The following CDK15 variants were observed in gnomAD, a reference collection of about 807,000 sequenced individuals.
CDK15 encodes the protein cyclin dependent kinase 15, also known as cyclin-dependent kinase 15.
CDK15 carries 62 observed loss-of-function variants against 60.3 expected under a neutral mutation model. That is an observed-to-expected ratio of 1.03 (90% CI 0.84 to 1.27). CDK15 has a LOEUF of 1.27. CDK15 is among the 50% of genes most tolerant of loss of function. The pLI is 0.00. For missense variants in CDK15, 541 were observed against 527.8 expected (o/e 1.03, Z -0.25); for synonymous variants, 194 against 195.7 (o/e 0.99, Z 0.07).
At chr2:201,860,893 A>C in intron 10 of CDK15, 1 of 1,349,658 alleles carries the variant, frequency 7.4e-7, no homozygotes, top group Non-Finnish European at 9.8e-7. Flanking sequence ...GAAGATGATT[A>C]AAATGATCCT....
chr2:201,866,858 C>A (rs560923308), intron 10 of CDK15, among the ~76,000 whole-genome samples: 1 of 152,164 alleles, frequency 6.6e-6, no homozygotes, highest in Non-Finnish European at 1.5e-5. Context: ...CACAAACAGG[C>A]GATGGGCTTT....
intron 10 of CDK15, among the ~76,000 whole-genome samples, chr2:201,865,521 G>A (rs1050938377): frequency 3.9e-5 from 6 of 152,196 alleles, no homozygotes; most frequent in Admixed American, 1.3e-4. Context: ...GACCAAGGTT[G>A]AACAATGCCA....
At chr2:201,855,185 T>A (rs1377387609) in intron 10 of CDK15, among the ~76,000 whole-genome samples, 1 of 152,202 alleles carries the variant, frequency 6.6e-6, no homozygotes, top group Non-Finnish European at 1.5e-5. Context: ...AAATGACTAT[T>A]ACTGTGGATT....
chr2:201,889,239 T>C, intron 12 of CDK15: 12 of 985,404 alleles, frequency 1.2e-5, no homozygotes, highest in Non-Finnish European at 1.4e-5. Context: ...TCTCTTTTTG[T>C]TAAATTGTGA....
intron 4 of CDK15, among the ~76,000 whole-genome samples, chr2:201,813,687 C>G (rs780608667): frequency 1.3e-5 from 2 of 152,190 alleles, no homozygotes; most frequent in Non-Finnish European, 2.9e-5. Context: ...GATGGAGTCA[C>G]TAGATTTTGA....
intron 8 of CDK15, among the ~76,000 whole-genome samples, chr2:201,836,037 T>TTA (rs1438289805): frequency 3.6e-5 from 2 of 55,328 alleles, no homozygotes; most frequent in Non-Finnish European, 8.1e-5. Context: ...TATATATATT[T>TTA]TATATATATT....
intron 8 of CDK15, among the ~76,000 whole-genome samples, chr2:201,846,949 G>A (rs1207585525): frequency 2.0e-5 from 3 of 152,118 alleles, no homozygotes; most frequent in Non-Finnish European, 4.4e-5. Flanking sequence ...CTTTCAATAA[G>A]TATAAAATGA....
At chr2:201,865,892 C>CCAAAAAAA (rs753825925) in intron 10 of CDK15, among the ~76,000 whole-genome samples, 30 of 40,086 alleles carry the variant, frequency 7.5e-4, no homozygotes, top group African/African-American at 2.1e-3. Context: ...TCCATCTCAA[C>CCAAAAAAA]AAAAAAAAAA....
chr2:201,859,139 C>T (rs1225849273), intron 10 of CDK15, among the ~76,000 whole-genome samples: 1 of 152,062 alleles, frequency 6.6e-6, no homozygotes, highest in African/African-American at 2.4e-5. Context: ...AATAATACTC[C>T]ACAGGAAGCA....
chr2:201,828,805 T>G (rs1035054490), intron 6 of CDK15, among the ~76,000 whole-genome samples: 1 of 152,170 alleles, frequency 6.6e-6, no homozygotes, highest in African/African-American at 2.4e-5. Flanking sequence ...TCTTTCTGGG[T>G]TTTGCATAGG....
At chr2:201,843,692 G>A (rs1337645596) in intron 8 of CDK15, among the ~76,000 whole-genome samples, 2 of 152,122 alleles carry the variant, frequency 1.3e-5, no homozygotes, top group East Asian at 3.9e-4. Context: ...CTTAGACTTA[G>A]ATTTGTTAGA....
intron 4 of CDK15, among the ~76,000 whole-genome samples, chr2:201,816,000 T>C (rs1695974028): frequency 6.6e-6 from 1 of 152,244 alleles, no homozygotes; most frequent in Non-Finnish European, 1.5e-5. Flanking sequence ...CCTTCTACTT[T>C]ATTATGATGA....
intron 13 of CDK15, 31 bp downstream of exon 13, chr2:201,890,958 G>C: frequency 2.5e-6 from 3 of 1,214,866 alleles, no homozygotes; most frequent in Non-Finnish European, 3.6e-6. Flanking sequence ...GGTTCCTTAT[G>C]GAACAAATTG....
At chr2:201,891,548 G>A (rs796625870) in intron 13 of CDK15, among the ~76,000 whole-genome samples, 9 of 152,256 alleles carry the variant, frequency 5.9e-5, no homozygotes, top group African/African-American at 2.2e-4. Flanking sequence ...GGTCACCTTT[G>A]TGGCACAAAT....
At chr2:201,818,646 A>G (rs901956593) in intron 4 of CDK15, among the ~76,000 whole-genome samples, 5 of 152,220 alleles carry the variant, frequency 3.3e-5, no homozygotes. Context: ...AAATGCTTTA[A>G]ACATCATCTG....
intron 10 of CDK15, among the ~76,000 whole-genome samples, chr2:201,871,964 C>T (rs1296444872): frequency 6.6e-6 from 1 of 151,982 alleles, no homozygotes; most frequent in African/African-American, 2.4e-5. Context: ...TAGGGCCCAC[C>T]CTAATGCTTT....
chr2:201,856,941 C>CAATAAAACAGAGAAAATAT (rs1574909093), intron 10 of CDK15, among the ~76,000 whole-genome samples: 5 of 115,250 alleles, frequency 4.3e-5, no homozygotes, highest in African/African-American at 9.9e-5. Flanking sequence ...AACTGGGTTC[C>CAATAAAACAGAGAAAATAT]GGCCGGGCGC....
chr2:201,833,669 G>A (rs1696858790), intron 6 of CDK15, among the ~76,000 whole-genome samples, 179 bp from the exon 7 acceptor site: 1 of 144,266 alleles, frequency 6.9e-6, no homozygotes, highest in African/African-American at 2.6e-5. Context: ...GACTTTTCTT[G>A]TCCTTTTTCT....
rs1698074433 is a variant in CDK15, at chr2:201,854,819, C to T, written c.946-55C>T. 8 of 1,491,188 alleles carry T rather than the reference C, an allele frequency of 5.4e-6. No individual in the cohort carries two copies. The Admixed American group carries it at 1.2e-4, about 22-fold the overall frequency. The allele number at this position is 1,491,188 out of a possible 1,614,324, so 92.4% of individuals were successfully genotyped here. Reference sequence around the variant, plus strand: ...GTCCTGCATGTCTCCATACCTCTTCCATCCACCTCATCTCCCCACCTCACC... The same window carrying T: ...GTCCTGCATGTCTCCATACCTCTTCTATCCACCTCATCTCCCCACCTCACC... On this transcript the variant is annotated intron_variant, in intron 9 of 13. Coordinates refer to ENST00000652192, the MANE Select transcript of CDK15 (RefSeq NM_001366386.2).
Sources: gnomAD v4.1 joint callset for allele counts (sites outside exome capture counted in the v4.1 genomes callset) on GRCh38, gnomAD v4.1.1 for gene constraint, MANE v1.5 for transcripts, NCBI Gene and HGNC (gene_info 2026-07-23, HGNC 2026-07-21) for gene names.